PLEKHM1: variants seen among roughly 807,000 people sequenced by gnomAD.
PLEKHM1 encodes the protein pleckstrin homology domain-containing family M member 1.
PLEKHM1 carries 28 observed loss-of-function variants against 94.3 expected under a neutral mutation model. The ratio of observed to expected loss-of-function variants is 0.30; its 90% CI spans 0.22 to 0.41. PLEKHM1 has a LOEUF of 0.41. Among genes scored for constraint, PLEKHM1 ranks in the 10% least tolerant of loss-of-function variants. The pLI is 1.00. For synonymous variants in PLEKHM1, 424 were observed against 581.2 expected (o/e 0.73, Z 3.89); for missense variants, 907 against 1,358.6 (o/e 0.67, Z 5.22).
chr17:45,486,032 C>T (rs1225297185), intron 1 of PLEKHM1, among the ~76,000 whole-genome samples: 3 of 149,476 alleles, frequency 2.0e-5, no homozygotes, highest in Admixed American at 6.7e-5. Context: ...CTGGCTAACA[C>T]GGTGAAACCC....
At chr17:45,460,935 A>AG (rs2051133478) in intron 5 of PLEKHM1, among the ~76,000 whole-genome samples, 1 of 152,118 alleles carries the variant, frequency 6.6e-6, no homozygotes. Context: ...CCCAGGCTGG[A>AG]GTGCAGTGGC....
intron 2 of PLEKHM1, among the ~76,000 whole-genome samples, chr17:45,478,770 G>A (rs1055413261): frequency 6.6e-6 from 1 of 151,876 alleles, no homozygotes; most frequent in Non-Finnish European, 1.5e-5. Flanking sequence ...GTTCAAGGCT[G>A]CAGTGAGCTG....
At chr17:45,461,179 G>A (rs1031352861) in intron 5 of PLEKHM1, among the ~76,000 whole-genome samples, 14 of 152,290 alleles carry the variant, frequency 9.2e-5, no homozygotes, top group African/African-American at 3.1e-4. Flanking sequence ...GAGCGACCGC[G>A]CCCAGCCAAT....
intron 11 of PLEKHM1, among the ~76,000 whole-genome samples, chr17:45,438,510 C>T (rs547824944): frequency 2.0e-5 from 3 of 150,462 alleles, no homozygotes; most frequent in Non-Finnish European, 3.0e-5. Context: ...CCAGCCTGGG[C>T]GACAGAGCAA....
chr17:45,456,109 C>G (rs1380484001), intron 6 of PLEKHM1, among the ~76,000 whole-genome samples: 1 of 152,190 alleles, frequency 6.6e-6, no homozygotes, highest in Admixed American at 6.5e-5. Context: ...TCTCCTCAAA[C>G]ATCCCCTTAT....
At chr17:45,470,660 T>G (rs2051475904) in intron 4 of PLEKHM1, among the ~76,000 whole-genome samples, 1 of 146,804 alleles carries the variant, frequency 6.8e-6, no homozygotes, top group Non-Finnish European at 1.5e-5. Flanking sequence ...TTTGTGTGGT[T>G]TTTTTTTTTT....
chr17:45,475,868 C>A (rs2145322486), intron 3 of PLEKHM1, 142 bp from the exon 4 acceptor site: 1 of 927,856 alleles, frequency 1.1e-6, no homozygotes, highest in Non-Finnish European at 1.7e-6. Context: ...GTGTTTTAGG[C>A]CAGATGTGGT....
At chr17:45,474,177 C>T (rs375062379) in intron 4 of PLEKHM1, among the ~76,000 whole-genome samples, 3 of 151,756 alleles carry the variant, frequency 2.0e-5, no homozygotes, top group South Asian at 2.1e-4. Flanking sequence ...CTGCCTCAGC[C>T]GCCCATGTAG....
At chr17:45,469,164 C>G (rs1005553297) in intron 4 of PLEKHM1, among the ~76,000 whole-genome samples, 4 of 152,136 alleles carry the variant, frequency 2.6e-5, no homozygotes, top group African/African-American at 9.7e-5. Flanking sequence ...GATGTGGAGA[C>G]AGAGAAGCTT....
chr17:45,468,191 A>T lies in PLEKHM1; in HGVS notation c.1308+18T>A, dbSNP rs2051379187. 1 of 1,612,664 alleles carries T rather than the reference A, an allele frequency of 6.2e-7. No homozygotes were observed. Among genetic ancestry groups the T allele is most frequent in the African/African-American group, 1.3e-5 (1 of 74,898 alleles). On this transcript the variant is annotated intron_variant, in intron 5 of 11. Transcript: ENST00000430334. Reference sequence around the variant, plus strand: ...GACATTTCCCAAGACTGCCCCCTGAACGGCTTGCACCACTCACCGGACTGG... The same window carrying T: ...GACATTTCCCAAGACTGCCCCCTGATCGGCTTGCACCACTCACCGGACTGG...
chr17:45,451,243 C>T (rs1009344333), intron 7 of PLEKHM1, among the ~76,000 whole-genome samples: 21 of 152,180 alleles, frequency 1.4e-4, no homozygotes, highest in African/African-American at 4.6e-4. Context: ...GGACCAGGGT[C>T]GGGGCTGGCA....
intron 4 of PLEKHM1, 113 bp downstream of exon 4, chr17:45,474,987 T>C: frequency 1.8e-6 from 2 of 1,110,152 alleles, no homozygotes; most frequent in Non-Finnish European, 1.3e-6. Context: ...CTTTCTTTAA[T>C]TACTAATAGA....
At chr17:45,483,980 C>T (rs2052034319) in intron 1 of PLEKHM1, among the ~76,000 whole-genome samples, 1 of 152,220 alleles carries the variant, frequency 6.6e-6, no homozygotes, top group Non-Finnish European at 1.5e-5. Flanking sequence ...TGAGTTCAGG[C>T]CATGACACGA....
At chr17:45,446,019 T>G in intron 8 of PLEKHM1, 1 of 395,024 alleles carries the variant, frequency 2.5e-6, no homozygotes, top group South Asian at 2.7e-5. Context: ...AGCCCCTATT[T>G]CCCCCCACTG....
chr17:45,441,327 G>A (rs2050439953), intron 9 of PLEKHM1, among the ~76,000 whole-genome samples: 1 of 152,176 alleles, frequency 6.6e-6, no homozygotes, highest in Admixed American at 6.5e-5. Context: ...TGGTGGCTCA[G>A]CTGTGGTCCA....
intron 5 of PLEKHM1, 136 bp from the exon 6 acceptor site, chr17:45,458,575 A>C: frequency 1.2e-6 from 1 of 828,644 alleles, no homozygotes; most frequent in Middle Eastern, 3.1e-4. Flanking sequence ...GGTTCAAGCG[A>C]TTCTCCTGCC....
At chr17:45,477,205 G>C (rs2051772285) in intron 3 of PLEKHM1, 1 of 157,922 alleles carries the variant, frequency 6.3e-6, no homozygotes. Context: ...GGGAGGCGGA[G>C]GTAGGCAGAT....
intron 9 of PLEKHM1, among the ~76,000 whole-genome samples, chr17:45,443,613 G>A (rs1285419895): frequency 6.6e-6 from 1 of 152,180 alleles, no homozygotes; most frequent in Non-Finnish European, 1.5e-5. Context: ...GACTCTCTCA[G>A]CAGGGTGGGG....
At chr17:45,438,914 A>G (rs1018666283) in intron 11 of PLEKHM1, among the ~76,000 whole-genome samples, 1 of 152,254 alleles carries the variant, frequency 6.6e-6, no homozygotes, top group South Asian at 2.1e-4. Context: ...CATCCCGGCC[A>G]GTGGACACCG....
Sources: allele counts gnomAD v4.1 joint callset (sites outside exome capture counted in the v4.1 genomes callset), GRCh38; gene constraint gnomAD v4.1.1; transcripts MANE v1.5; gene names NCBI Gene and HGNC (gene_info 2026-07-23, HGNC 2026-07-21).